The following FAM228B variants were observed in gnomAD, a reference collection of about 807,000 sequenced individuals.
FAM228B encodes the protein protein FAM228B.
Under a neutral mutation model 42.6 loss-of-function variants are expected in FAM228B, and 38 were observed. The ratio of observed to expected loss-of-function variants is 0.89; its 90% CI spans 0.69 to 1.17. FAM228B has a LOEUF of 1.17. Ranked by LOEUF, FAM228B falls within the 50% of genes most tolerant of loss-of-function variation. The pLI is 0.00. For missense variants in FAM228B, 344 were observed against 367.3 expected (o/e 0.94, Z 0.52); for synonymous variants, 109 against 122.3 (o/e 0.89, Z 0.72).
In FAM228B at chr2:24,137,982, T is replaced by G; in HGVS notation, c.242T>G (p.Val81Gly). 6.5e-7 allele frequency: 1 copy of G among 1,548,630 alleles called. No homozygotes were observed. Among genetic ancestry groups the G allele is most frequent in the Non-Finnish European group, 8.7e-7 (1 of 1,146,268 alleles). ...RRKEMLYKRW[V>G]DCVADPLQKK... ...AAGGAGATGTTATATAAAAGATGGG[T>G]TGACTGTGTGGCAGATCCTCTTCAG... Residue 81 changes from valine to glycine, a missense_variant, in exon 4 of 11, where the codon GTT (valine) becomes GGT (glycine). Physicochemically the swap from Val to Gly is moderately radical, Grantham distance 109. Transcript: ENST00000615575.
intron 3 of FAM228B, among the ~76,000 whole-genome samples, chr2:24,107,784 A>G (rs1361689567): frequency 1.3e-5 from 2 of 152,216 alleles, no homozygotes; most frequent in African/African-American, 2.4e-5. Context: ...AGGCAGTGTT[A>G]ATAGGGAAGT....
chr2:24,155,102 A>G (rs1174623695), intron 7 of FAM228B, among the ~76,000 whole-genome samples: 1 of 152,186 alleles, frequency 6.6e-6, no homozygotes, highest in Non-Finnish European at 1.5e-5. Context: ...CTGATGGTAT[A>G]TTAAGATGAT....
At chr2:24,111,260 A>C (rs942499257) in intron 3 of FAM228B, among the ~76,000 whole-genome samples, 1 of 152,110 alleles carries the variant, frequency 6.6e-6, no homozygotes, top group African/African-American at 2.4e-5. Flanking sequence ...AGATCTTGCT[A>C]TGTTGCCCAG....
At chr2:24,122,688 C>G (rs1666159308), upstream of FAM228B, 1 of 582,606 alleles carries the variant, frequency 1.7e-6, no homozygotes, top group Non-Finnish European at 3.0e-6. Flanking sequence ...AAACGGTGGT[C>G]CATCATTCAG....
intron 1 of FAM228B, among the ~76,000 whole-genome samples, chr2:24,078,480 T>TAAA (rs36089798): frequency 1.5e-4 from 16 of 104,916 alleles, no homozygotes; most frequent in African/African-American, 5.3e-4. Flanking sequence ...CCTGTCTCCA[T>TAAA]AAAAAAAAAA....
chr2:24,080,800 T>C lies in FAM228B; in HGVS notation c.-289-76T>C. The C allele has an allele frequency of 1.2e-6, 2 of 1,613,916 alleles. No homozygotes were observed. Among genetic ancestry groups the C allele is most frequent in the Non-Finnish European group, 1.7e-6 (2 of 1,179,826 alleles). On this transcript the variant is annotated intron_variant, in intron 1 of 10. Transcript: ENST00000613899. The surrounding 1 kb of genome is among the most constrained non-coding windows in gnomAD (Gnocchi z 4.7). ...ATCATCTCTTAAATTCCTGCTGAAC[T>C]GTAGAAGCAGTTGTTTACCTTTGGT...
At chr2:24,107,185 G>A (rs1339053325) in intron 3 of FAM228B, among the ~76,000 whole-genome samples, 2 of 151,970 alleles carry the variant, frequency 1.3e-5, no homozygotes, top group East Asian at 1.9e-4. Flanking sequence ...GATAAACAGG[G>A]CATTATATAA....
chr2:24,109,053 G>A (rs575539956), intron 3 of FAM228B, among the ~76,000 whole-genome samples: 25 of 151,338 alleles, frequency 1.7e-4, no homozygotes, highest in Admixed American at 9.9e-4. Context: ...AAACAGCATG[G>A]TACTGGTACA....
In FAM228B at chr2:24,080,888, G is replaced by A. The variant is rs1664971115; in HGVS notation, c.-277G>A. On this transcript the variant is annotated 5_prime_UTR_variant, in exon 2 of 11. Transcript: ENST00000613899. The surrounding 1 kb of genome is among the most constrained non-coding windows in gnomAD (Gnocchi z 4.7). ...TAATTGAATCCAGCAGCTGCTCCAAGCTTTTCTGCCATTTGAAGCTTCTTC... is the reference window on the plus strand; with the variant it reads ...TAATTGAATCCAGCAGCTGCTCCAAACTTTTCTGCCATTTGAAGCTTCTTC... The A allele has an allele frequency of 6.2e-7, 1 of 1,614,090 alleles. No individual in the cohort carries two copies. Among genetic ancestry groups the A allele is most frequent in the African/African-American group, 1.3e-5 (1 of 74,928 alleles).
chr2:24,138,328 C>T (rs889739042), intron 4 of FAM228B, among the ~76,000 whole-genome samples: 2 of 152,018 alleles, frequency 1.3e-5, no homozygotes, highest in African/African-American at 4.8e-5. Context: ...GTGTTTTCCC[C>T]ATGTGGTTAT....
chr2:24,111,487 C>A (rs1665794934), intron 3 of FAM228B, among the ~76,000 whole-genome samples: 1 of 152,180 alleles, frequency 6.6e-6, no homozygotes, highest in African/African-American at 2.4e-5. Flanking sequence ...GTTTTGATGA[C>A]ACAGCCTAAT....
At chr2:24,123,393 G>C (rs1666190255), upstream of FAM228B, 1 of 152,104 alleles carries the variant, frequency 6.6e-6, no homozygotes, top group Admixed American at 6.5e-5. Context: ...CGCAAACCAA[G>C]ACCCGCCACC....
chr2:24,137,829 A>G (rs1382189222), intron 3 of FAM228B, 80 bp from the exon 4 acceptor site: 3 of 898,482 alleles, frequency 3.3e-6, no homozygotes, highest in Middle Eastern at 3.4e-4. Context: ...ATTTAAACTT[A>G]TGAAGTTTAA....
chr2:24,108,858 G>A (rs573798290), intron 3 of FAM228B, among the ~76,000 whole-genome samples: 15 of 146,864 alleles, frequency 1.0e-4, no homozygotes, highest in South Asian at 6.4e-4. Flanking sequence ...CCGAGATTGC[G>A]CCACTGCATT....
intron 3 of FAM228B, chr2:24,115,758 C>G (rs1411303996): frequency 2.4e-6 from 2 of 821,594 alleles, no homozygotes; most frequent in Non-Finnish European, 3.9e-6. Flanking sequence ...ACAAGGGTGA[C>G]TGGATAGTTG....
At chr2:24,129,977 G>A (rs868614556) in intron 2 of FAM228B, among the ~76,000 whole-genome samples, 2 of 151,964 alleles carry the variant, frequency 1.3e-5, no homozygotes, top group Non-Finnish European at 2.9e-5. Flanking sequence ...CCCAGCCCTC[G>A]ACTGGCCCTG....
At chr2:24,098,717 G>A (rs1665550330) in intron 3 of FAM228B, among the ~76,000 whole-genome samples, 1 of 152,168 alleles carries the variant, frequency 6.6e-6, no homozygotes, top group Non-Finnish European at 1.5e-5. Context: ...AGAGGAGCTG[G>A]TACCATTCCT....
At chr2:24,167,744 T>C in intron 10 of FAM228B, 61 bp downstream of exon 10, 1 of 1,534,600 alleles carries the variant, frequency 6.5e-7, no homozygotes, top group East Asian at 2.5e-5. Context: ...TTCTTGCCAC[T>C]GTGATTTCTG....
chr2:24,149,223 T>C (rs1237927275), intron 7 of FAM228B, among the ~76,000 whole-genome samples: 1 of 152,220 alleles, frequency 6.6e-6, no homozygotes, highest in Non-Finnish European at 1.5e-5. Flanking sequence ...TGATTTCCTT[T>C]CTTTTGAGTG....
Sources: gnomAD v4.1 joint callset for allele counts (sites outside exome capture counted in the v4.1 genomes callset) on GRCh38, gnomAD v4.1.1 for gene constraint, Gnocchi (gnomAD v3.1) non-coding constraint, MANE v1.5 for transcripts, NCBI Gene and HGNC (gene_info 2026-07-23, HGNC 2026-07-21) for gene names.